The following ADAM10 variants were observed in gnomAD, a reference collection of about 807,000 sequenced individuals.
The protein encoded by ADAM10 is disintegrin and metalloproteinase domain-containing protein 10.
ADAM10 carries 17 observed loss-of-function variants against 90.1 expected under a neutral mutation model. The observed-to-expected ratio is 0.19, with a 90% CI of 0.13 to 0.28. The LOEUF is 0.28. Among genes scored for constraint, ADAM10 ranks in the 10% least tolerant of loss-of-function variants. The probability of loss-of-function intolerance (pLI) is 1.00; values close to 1 mark genes in which losing one functional copy is unlikely to be tolerated. For missense variants in ADAM10, 610 were observed against 914.3 expected, an observed-to-expected ratio of 0.67 and a Z score of 4.29; for synonymous variants, 310 against 298.6, an observed-to-expected ratio of 1.04 and a Z score of -0.40.
chr15:58,647,248 A>ATTTTTTTTTTTTTTT (rs67378373), intron 5 of ADAM10, among the ~76,000 whole-genome samples: 830 of 59,548 alleles, frequency 0.014, 286 homozygotes, highest in Non-Finnish European at 0.022. Context: ...GACACTAAGT[A>ATTTTTTTTTTTTTTT]TTTTTTTTTT....
chr15:58,656,715 C>T (rs1462322153), intron 5 of ADAM10, among the ~76,000 whole-genome samples: 3 of 152,264 alleles, frequency 2.0e-5, no homozygotes, highest in Admixed American at 6.5e-5. Flanking sequence ...AGTCTTTCTA[C>T]TCAAGATATG....
chr15:58,729,981 A>AAC (rs1899178080), intron 1 of ADAM10, among the ~76,000 whole-genome samples: 1 of 138,744 alleles, frequency 7.2e-6, no homozygotes, highest in Non-Finnish European at 1.5e-5. Flanking sequence ...AAACAAAAAC[A>AAC]AAAACAAAAC....
At chr15:58,685,645 G>C (rs1353897137) in intron 2 of ADAM10, among the ~76,000 whole-genome samples, 1 of 146,290 alleles carries the variant, frequency 6.8e-6, no homozygotes, top group Admixed American at 7.0e-5. Context: ...CACATTATAA[G>C]AATGTGCATC....
At chr15:58,667,762 T>TC (rs1318282624) in intron 4 of ADAM10, among the ~76,000 whole-genome samples, 47 of 151,894 alleles carry the variant, frequency 3.1e-4, no homozygotes, top group African/African-American at 9.4e-4. Flanking sequence ...GGATAGGCTT[T>TC]TTTTTTTTTC....
intron 1 of ADAM10, among the ~76,000 whole-genome samples, chr15:58,737,636 TAAC>T (rs1899474029): frequency 6.6e-6 from 1 of 152,178 alleles, no homozygotes; most frequent in Admixed American, 6.5e-5. Context: ...CAAAATGATC[TAAC>T]AACAGTGCCT....
At chr15:58,643,475 T>A (rs1350979769) in intron 7 of ADAM10, among the ~76,000 whole-genome samples, 1 of 152,196 alleles carries the variant, frequency 6.6e-6, no homozygotes, top group Non-Finnish European at 1.5e-5. Context: ...ACTGTATTTA[T>A]CCTTTTTCTC....
At chr15:58,645,134 G>C (rs1390095905) in intron 6 of ADAM10, among the ~76,000 whole-genome samples, 1 of 152,144 alleles carries the variant, frequency 6.6e-6, no homozygotes, top group Non-Finnish European at 1.5e-5. Context: ...CATAAAACAA[G>C]ATGGTCAAGT....
chr15:58,713,237 G>A (rs2083845060), intron 2 of ADAM10, among the ~76,000 whole-genome samples: 1 of 152,040 alleles, frequency 6.6e-6, no homozygotes, highest in Non-Finnish European at 1.5e-5. Context: ...AAGTAGCTGG[G>A]ACTATAGGCA....
chr15:58,717,654 G>A lies in ADAM10; in HGVS notation c.129C>T (p.His43=). 5 of 1,613,610 alleles carry A rather than the reference G, an allele frequency of 3.1e-6. No homozygotes were observed. The highest frequency in any genetic ancestry group is 1.7e-5 in the Admixed American group (1 of 60,004). The change falls in exon 2 of 16, where the codon CAC becomes CAT. Residue 43 remains histidine, a synonymous_variant. Transcript: ENST00000260408. Reference sequence around the variant, plus strand: ...CTCTTTTGGCACGCTGGTGTTTTTGGTGTAATGAATCCACATTGTAAGATA... The same window carrying A: ...CTCTTTTGGCACGCTGGTGTTTTTGATGTAATGAATCCACATTGTAAGATA... The part of the protein sequence containing the change: ...EGLSYNVDSL[H]QKHQRAKRAV...
At chr15:58,739,409 C>A (rs1041340074) in intron 1 of ADAM10, among the ~76,000 whole-genome samples, 2 of 151,188 alleles carry the variant, frequency 1.3e-5, no homozygotes, top group African/African-American at 2.4e-5. Flanking sequence ...CCCAGCTACT[C>A]GGGAGGCTGA....
At chr15:58,737,416 G>GT (rs1899466097) in intron 1 of ADAM10, among the ~76,000 whole-genome samples, 1 of 152,030 alleles carries the variant, frequency 6.6e-6, no homozygotes, top group Non-Finnish European at 1.5e-5. Flanking sequence ...TTCAAATACT[G>GT]TAAGTACAAA....
chr15:58,680,724 T>C (rs1252092157), intron 3 of ADAM10, among the ~76,000 whole-genome samples: 1 of 152,336 alleles, frequency 6.6e-6, no homozygotes, highest in Middle Eastern at 3.4e-3. Context: ...ACTTCCACAA[T>C]TTCTAAGTTG....
rs1159090100 is a variant in ADAM10, at chr15:58,595,610, G to C, written c.*1937C>G. 1.3e-5 allele frequency: 2 copies of C among 152,100 alleles called. No individual in the cohort carries two copies. The highest frequency in any genetic ancestry group is 4.8e-5 in the African/African-American group (2 of 41,438). The allele number at this position is 152,100 out of a possible 1,614,324, so 9.4% of individuals were successfully genotyped here. A position where few individuals can be genotyped will look rare whatever the true frequency, so the allele number is the denominator to read the frequency against. On this transcript the variant is annotated 3_prime_UTR_variant, in exon 16 of 16. Transcript: ENST00000260408. ...CACATCTTGATTCGCAGTGGAAAGA[G>C]TTCAGTGCATGTATCTCTTTTCAGA...
intron 8 of ADAM10, among the ~76,000 whole-genome samples, chr15:58,637,939 A>T (rs1378410398): frequency 2.8e-5 from 4 of 145,056 alleles, no homozygotes; most frequent in Non-Finnish European, 6.0e-5. Context: ...TCCTTGTTTT[A>T]AAAAAAAAAA....
At chr15:58,708,835 C>A (rs1898385311) in intron 2 of ADAM10, among the ~76,000 whole-genome samples, 1 of 152,114 alleles carries the variant, frequency 6.6e-6, no homozygotes, top group East Asian at 1.9e-4. Flanking sequence ...GAGATGCACA[C>A]AAATTAACAA....
At chr15:58,617,723 CA>C (rs1895658613) in intron 11 of ADAM10, among the ~76,000 whole-genome samples, 1 of 151,580 alleles carries the variant, frequency 6.6e-6, no homozygotes, top group Non-Finnish European at 1.5e-5. Flanking sequence ...TTGCAGGATA[CA>C]AAATTAACAT....
At chr15:58,707,208 C>T (rs1898329420) in intron 2 of ADAM10, 1 of 149,470 alleles carries the variant, frequency 6.7e-6, no homozygotes, top group South Asian at 2.1e-4. Context: ...CAAGGGGAAA[C>T]CCCCATCTCT....
chr15:58,603,452 C>A (rs1238658754), intron 14 of ADAM10, among the ~76,000 whole-genome samples: 1 of 152,172 alleles, frequency 6.6e-6, no homozygotes, highest in African/African-American at 2.4e-5. Context: ...GTGAGCCAAT[C>A]CATGAGTACA....
intron 2 of ADAM10, among the ~76,000 whole-genome samples, chr15:58,700,396 A>G (rs1251353035): frequency 6.6e-6 from 1 of 152,238 alleles, no homozygotes; most frequent in Non-Finnish European, 1.5e-5. Flanking sequence ...TCAGACTACA[A>G]AAGAATAAAA....
Sources: allele counts gnomAD v4.1 joint callset (sites outside exome capture counted in the v4.1 genomes callset), GRCh38; gene constraint gnomAD v4.1.1; transcripts MANE v1.5; gene names NCBI Gene and HGNC (gene_info 2026-07-23, HGNC 2026-07-21).